Variants in CASK observed in about 807,000 individuals in gnomAD.
The protein encoded by CASK is calcium/calmodulin dependent serine protein kinase, also known as peripheral plasma membrane protein CASK.
Under a neutral mutation model 82.9 loss-of-function variants are expected in CASK, and 4 were observed. The ratio of observed to expected loss-of-function variants is 0.05; its 90% confidence interval spans 0.02 to 0.11. CASK has a LOEUF of 0.11. Ranked by LOEUF, CASK falls within the 10% of genes least tolerant of loss-of-function variation. The pLI is 1.00. For missense variants in CASK, 358 were observed against 720.9 expected, an observed-to-expected ratio of 0.50 and a Z score of 5.76; for synonymous variants, 259 against 253.5, an observed-to-expected ratio of 1.02 and a Z score of -0.20.
At chrX:41,570,010 C>CTTTTTTTTTTTTTTT (rs397937722) in intron 15 of CASK, among the ~76,000 whole-genome samples, 8 of 70,627 alleles carry the variant, frequency 1.1e-4, no homozygotes, top group Admixed American at 2.1e-4. Context: ...TTTCTTTTTT[C>CTTTTTTTTTTTTTTT]TTTTTTTTTT....
At chrX:41,647,591 G>A (rs990623543) in intron 8 of CASK, among the ~76,000 whole-genome samples, 9 of 111,496 alleles carry the variant, frequency 8.1e-5, no homozygotes, top group Non-Finnish European at 9.4e-5. Flanking sequence ...AGCCTTCATC[G>A]CCATGGCACA....
intron 8 of CASK, among the ~76,000 whole-genome samples, chrX:41,641,762 T>C (rs1161066174): frequency 6.3e-5 from 7 of 111,683 alleles, no homozygotes; most frequent in Non-Finnish European, 7.5e-5. Flanking sequence ...TTTTTTATTA[T>C]ACTTTAAGTT....
rs1418571803 is a variant in CASK, at chrX:41,635,968, C to T, written c.915+610G>A. 4.1e-5 allele frequency among the ~76,000 whole-genome samples: 4 copies of T among 96,805 alleles called. No individual in the cohort carries two copies. The East Asian group carries it at 1.3e-3, about 31-fold the overall frequency. 84.1% of individuals were successfully genotyped at this position (96,805 alleles called of 115,157 possible). On this transcript the variant is annotated intron_variant, in intron 9 of 26. Transcript: ENST00000378163. ...CTGGAGTGCAATGGTGTGATCTCAG[C>T]TCACTGCAACCTCCACCTCCCAAGT...
rs952383520 is a variant in CASK, at chrX:41,555,508, A to C, written c.1842+92T>G. ...CTCAATGCTCAAATGTTATGGTCCA[A>C]AATGCAAACATTATGGGATGGAAAG... On this transcript the variant is annotated intron_variant, in intron 20 of 26. Coordinates refer to ENST00000378163, the MANE Select transcript of CASK (RefSeq NM_001367721.1). 4 of 695,751 alleles carry C rather than the reference A, an allele frequency of 5.7e-6. No homozygotes were observed. The African/African-American group carries it at 8.5e-5, about 15-fold the overall frequency. The allele number at this position is 695,751 out of a possible 1,213,427, so 57.3% of individuals were successfully genotyped here. A position where few individuals can be genotyped will look rare whatever the true frequency, so the allele number is the denominator to read the frequency against.
chrX:41,823,693 T>A (rs1237702461), intron 2 of CASK, among the ~76,000 whole-genome samples: 2 of 111,572 alleles, frequency 1.8e-5, no homozygotes, highest in Non-Finnish European at 3.8e-5. Context: ...TCAGCGTCTA[T>A]GACAGCATTC....
At chrX:41,737,998 G>A (rs1216918830) in intron 5 of CASK, among the ~76,000 whole-genome samples, 3 of 112,431 alleles carry the variant, frequency 2.7e-5, no homozygotes, top group Admixed American at 9.3e-5. Flanking sequence ...TTTTTGAGAC[G>A]GAGTCTCGCT....
Position 41,520,410 on chromosome X carries a change from G to A in CASK, c.*10C>T. Reference sequence around the variant, plus strand: ...TGCTCCCAGTTATGCTCAGATATCTGGGGAGAGGCCTAATAGACCCAGGAG... The same window carrying A: ...TGCTCCCAGTTATGCTCAGATATCTAGGGAGAGGCCTAATAGACCCAGGAG... On this transcript the variant is annotated 3_prime_UTR_variant, in exon 27 of 27. Transcript: ENST00000378163. 1 of 1,193,397 alleles carries A rather than the reference G, an allele frequency of 8.4e-7. No individual in the cohort carries two copies. Among genetic ancestry groups the A allele is most frequent in the Non-Finnish European group, 1.1e-6 (1 of 880,403 alleles).
At chrX:41,770,571 T>C (rs1294285869) in intron 3 of CASK, among the ~76,000 whole-genome samples, 1 of 110,334 alleles carries the variant, frequency 9.1e-6, no homozygotes, top group Non-Finnish European at 1.9e-5. Context: ...GTATTTTTAG[T>C]AGAGACGAGA....
rs749421673 is a variant in CASK, at chrX:41,905,653, C to T, written c.59+17277G>A. Among the ~76,000 whole-genome samples, 4 of 113,126 alleles carry T rather than the reference C, an allele frequency of 3.5e-5. No homozygotes were observed. In the East Asian group the frequency reaches 1.1e-3, roughly 31 times the overall value. ...TTTGGCCTATGGCCCCTTCGCTTTG[C>T]CTAAGGCTGGGTGGGACTAGCTAGG... On this transcript the variant is annotated intron_variant, in intron 1 of 26. Coordinates refer to ENST00000378163, the MANE Select transcript of CASK (RefSeq NM_001367721.1).
rs1453887440 is a variant in CASK, at chrX:41,607,322, C to CTT, written c.1155+2580_1155+2581dup. On this transcript the variant is annotated intron_variant, in intron 12 of 26. Coordinates refer to ENST00000378163, the MANE Select transcript of CASK (RefSeq NM_001367721.1). ...GCTATATCAGTAAGAAAAAATACAACTTTGAAACCAATTTGGGCTTCTCTC... is the reference window on the plus strand; with the variant it reads ...GCTATATCAGTAAGAAAAAATACAACTTTTTGAAACCAATTTGGGCTTCTCTC... Among the ~76,000 whole-genome samples, 9 of 112,036 alleles carry CTT rather than the reference C, an allele frequency of 8.0e-5. No individual in the cohort carries two copies. The East Asian group carries it at 2.5e-3, about 31-fold the overall frequency.
chrX:41,561,820 A>C (rs1370312504), intron 16 of CASK, 176 bp from the exon 17 acceptor site: 6 of 432,134 alleles, frequency 1.4e-5, no homozygotes, highest in Non-Finnish European at 2.4e-5. Context: ...AACCTCATCA[A>C]AACAGATATA....
chrX:41,842,468 G>T (rs2071061601), intron 2 of CASK, among the ~76,000 whole-genome samples: 1 of 109,201 alleles, frequency 9.2e-6, no homozygotes, highest in Non-Finnish European at 1.9e-5. Context: ...AGATACTTGG[G>T]AGGCTGAGGC....
intron 1 of CASK, among the ~76,000 whole-genome samples, chrX:41,862,543 A>AAG (rs1491335885): frequency 3.1e-5 from 2 of 63,811 alleles, no homozygotes; most frequent in African/African-American, 9.6e-5. Context: ...TCTGTCTCAG[A>AAG]AAAAAAAAAA....
At chrX:41,641,718 CTT>C (rs2066657758) in intron 8 of CASK, among the ~76,000 whole-genome samples, 1 of 110,134 alleles carries the variant, frequency 9.1e-6, no homozygotes, top group Non-Finnish European at 1.9e-5. Flanking sequence ...AATTAAAAAA[CTT>C]TACTTTTATT....
chrX:41,536,371 G>T (rs1429640339), intron 22 of CASK, among the ~76,000 whole-genome samples: 1 of 111,256 alleles, frequency 9.0e-6, no homozygotes, highest in Non-Finnish European at 1.9e-5. Flanking sequence ...GCCTCCCGAA[G>T]TGTTGGGATT....
rs371870820 is a variant in CASK at position 41,578,474 on chromosome X, A to G, written c.1369T>C (p.Leu457=). ...GAGGTGGGAGGAGGTGTGACCCTCA[A>G]TGCTTCATCACTGTAAACTTCATGT... ...VAHEVYSDEA[L]RVTPPPTSPY... The change falls in exon 15 of 27, where the codon TTG becomes CTG. Residue 457 remains leucine (L), a synonymous_variant. Coordinates refer to ENST00000378163, the MANE Select transcript of CASK (RefSeq NM_001367721.1). 2.1e-5 allele frequency: 25 copies of G among 1,206,810 alleles called. No individual in the cohort carries two copies. The highest frequency in any genetic ancestry group is 1.2e-4 in the African/African-American group (7 of 57,203).
At chrX:41,551,671 T>G (rs2065098408) in intron 21 of CASK, among the ~76,000 whole-genome samples, 1 of 108,748 alleles carries the variant, frequency 9.2e-6, no homozygotes, top group African/African-American at 3.4e-5. Flanking sequence ...CCAAAGTGGG[T>G]GGATCACGAG....
At chrX:41,747,378 A>G (rs900651372) in intron 3 of CASK, among the ~76,000 whole-genome samples, 1 of 111,694 alleles carries the variant, frequency 9.0e-6, no homozygotes, top group Non-Finnish European at 1.9e-5. Flanking sequence ...CTTGGTGAGC[A>G]ACTCTGATTA....
chrX:41,860,884 G>A (rs898003201), intron 1 of CASK, among the ~76,000 whole-genome samples: 4 of 112,710 alleles, frequency 3.5e-5, no homozygotes, highest in African/African-American at 6.4e-5. Context: ...AAAGGAGTAT[G>A]ATTCAGATCA....
Sources: gnomAD v4.1 joint callset for allele counts (sites outside exome capture counted in the v4.1 genomes callset) on GRCh38, gnomAD v4.1.1 for gene constraint, MANE v1.5 for transcripts, NCBI Gene and HGNC (gene_info 2026-07-23, HGNC 2026-07-21) for gene names.